Variants in CALCRL observed in about 807,000 individuals in gnomAD.
CALCRL encodes the protein calcitonin gene-related peptide type 1 receptor.
Under a neutral mutation model 60.4 loss-of-function variants are expected in CALCRL, and 27 were observed. The ratio of observed to expected loss-of-function variants is 0.45; its 90% CI spans 0.33 to 0.62. CALCRL has a LOEUF of 0.62. Ranked by LOEUF, CALCRL falls within the 20% of genes least tolerant of loss-of-function variation. CALCRL has a pLI of 0.03. For missense variants in CALCRL, 424 were observed against 540.7 expected (o/e 0.78, Z 2.14); for synonymous variants, 190 against 182.6 (o/e 1.04, Z -0.33).
chr2:187,445,391 A>T (rs1912849), intron 1 of CALCRL, among the ~76,000 whole-genome samples: 59,571 of 151,394 alleles, frequency 0.39, 12,347 homozygotes, highest in African/African-American at 0.52. Context: ...GAATTATTTG[A>T]TAAAGCTGTA....
chr2:187,375,437 A>G (rs76807288), intron 8 of CALCRL, among the ~76,000 whole-genome samples: 6,305 of 152,232 alleles, frequency 0.041, 423 homozygotes, highest in African/African-American at 0.14. Context: ...AAGTAAGGTA[A>G]TTATTTGAAA....
intron 1 of CALCRL, among the ~76,000 whole-genome samples, chr2:187,407,074 T>TC (rs1216904873): frequency 1.4e-4 from 22 of 152,162 alleles, no homozygotes; most frequent in Admixed American, 1.2e-3. Flanking sequence ...CAGCACACTA[T>TC]CACACTAGAT....
At chr2:187,399,225 T>G (rs1411129227) in intron 1 of CALCRL, among the ~76,000 whole-genome samples, 1 of 151,598 alleles carries the variant, frequency 6.6e-6, no homozygotes, top group South Asian at 2.1e-4. Flanking sequence ...CAAAGCACAT[T>G]CCATGCCCAG....
chr2:187,382,261 G>A lies in CALCRL; in HGVS notation c.184+912C>T, dbSNP rs1688012452. On this transcript the variant is annotated intron_variant, in intron 5 of 14. Transcript: ENST00000392370. ...GAGACACAAAGTTGAAATAAAAATA[G>A]CTCTTTATTGCAAGACTTTCTAGAG... Among the ~76,000 whole-genome samples, 4 of 152,098 alleles carry A rather than the reference G, an allele frequency of 2.6e-5. No homozygotes were observed. In the South Asian group the frequency reaches 6.2e-4, roughly 24 times the overall value.
At chr2:187,409,689 T>C (rs1028221426) in intron 1 of CALCRL, among the ~76,000 whole-genome samples, 3 of 152,146 alleles carry the variant, frequency 2.0e-5, no homozygotes, top group African/African-American at 7.2e-5. Flanking sequence ...TAATCAAATA[T>C]TCATACAAAT....
At chr2:187,388,776 T>G (rs975458762) in intron 1 of CALCRL, among the ~76,000 whole-genome samples, 1 of 152,104 alleles carries the variant, frequency 6.6e-6, no homozygotes, top group African/African-American at 2.4e-5. Context: ...TTTATAATTA[T>G]GCATTTTGCA....
chr2:187,377,327 G>T lies in CALCRL; in HGVS notation c.500+1613C>A, dbSNP rs528536366. 2.4e-4 allele frequency among the ~76,000 whole-genome samples: 37 copies of T among 152,138 alleles called. No individual in the cohort carries two copies. In the South Asian group the frequency reaches 6.8e-3, roughly 28 times the overall value. ...TCAGGAAATGGAATAGATTAGAAGG[G>T]TTTCAAAAGGTTAAGTTCACAGGTT... On this transcript the variant is annotated intron_variant, in intron 8 of 14. Transcript: ENST00000392370.
chr2:187,439,304 G>A (rs143620383), intron 1 of CALCRL, among the ~76,000 whole-genome samples: 1,603 of 152,130 alleles, frequency 0.011, 24 homozygotes, highest in African/African-American at 0.037. Flanking sequence ...CCAACATGGC[G>A]AAATCCCATC....
chr2:187,371,263 A>C (rs558814763), intron 8 of CALCRL, among the ~76,000 whole-genome samples: 16 of 151,696 alleles, frequency 1.1e-4, no homozygotes, highest in Non-Finnish European at 2.1e-4. Flanking sequence ...AAGTTAAATA[A>C]ATAATATCTA....
At chr2:187,354,689 A>G (rs2105707700) in intron 12 of CALCRL, among the ~76,000 whole-genome samples, 1 of 152,142 alleles carries the variant, frequency 6.6e-6, no homozygotes, top group Non-Finnish European at 1.5e-5. Context: ...AAGATGGGAA[A>G]GTTTTAGGCA....
intron 1 of CALCRL, among the ~76,000 whole-genome samples, chr2:187,421,207 T>C (rs558325188): frequency 6.6e-6 from 1 of 152,362 alleles, no homozygotes; most frequent in Non-Finnish European, 1.5e-5. Context: ...CTATAGTTCA[T>C]GCACTATTTT....
At chr2:187,385,121 C>G (rs1688152321) in intron 4 of CALCRL, among the ~76,000 whole-genome samples, 2 of 152,122 alleles carry the variant, frequency 1.3e-5, no homozygotes, top group Non-Finnish European at 2.9e-5. Context: ...GTGTATGGTT[C>G]TAAATTGCCT....
intron 14 of CALCRL, among the ~76,000 whole-genome samples, chr2:187,349,392 G>A (rs569948619): frequency 1.3e-5 from 2 of 151,752 alleles, no homozygotes; most frequent in Admixed American, 6.6e-5. Context: ...TTGACCTAAT[G>A]TGGAAAACAA....
chr2:187,434,397 G>A (rs1690540875), intron 1 of CALCRL, among the ~76,000 whole-genome samples: 1 of 152,018 alleles, frequency 6.6e-6, no homozygotes, highest in African/African-American at 2.4e-5. Flanking sequence ...AATTCATTGT[G>A]ACTCATAATA....
In CALCRL at chr2:187,442,195, T is replaced by C. The variant is rs566244571; in HGVS notation, c.-293+5844A>G. Reference sequence around the variant, plus strand: ...ACACATATATGTGTGTATATATGTATACATATACGTATATATATATTTTAC... The same window carrying C: ...ACACATATATGTGTGTATATATGTACACATATACGTATATATATATTTTAC... On this transcript the variant is annotated intron_variant, in intron 1 of 14. Transcript: ENST00000392370. The C allele has an allele frequency of 1.8e-3, 274 of 149,490 alleles. 3 individuals carry two copies. The highest frequency in any genetic ancestry group is 6.4e-3 in the African/African-American group (263 of 41,006). The allele number at this position is 149,490 out of a possible 1,614,324, so 9.3% of individuals were successfully genotyped here.
Position 187,344,483 on chromosome 2 carries a change from T to C in CALCRL, c.*1701A>G, listed in dbSNP as rs1686201995. On this transcript the variant is annotated 3_prime_UTR_variant, in exon 15 of 15. Transcript: ENST00000392370. ...CATGACTTTTCCCAAAATTGACTTT[T>C]ACTAATTGAAGTCATTCTTGTTCTT... is the stretch of plus-strand genomic sequence containing the variant. 2.0e-5 allele frequency: 3 copies of C among 151,696 alleles called. No individual in the cohort carries two copies. The highest frequency in any genetic ancestry group is 1.3e-4 in the Admixed American group (2 of 15,178). The allele number at this position is 151,696 out of a possible 1,614,324, so 9.4% of individuals were successfully genotyped here.
chr2:187,414,659 C>G (rs982781553), intron 1 of CALCRL, among the ~76,000 whole-genome samples: 2 of 151,934 alleles, frequency 1.3e-5, no homozygotes, highest in Non-Finnish European at 2.9e-5. Context: ...ATCTTTATGC[C>G]AAATATACAG....
intron 9 of CALCRL, 34 bp downstream of exon 9, chr2:187,363,342 C>T (rs367899511): frequency 6.3e-7 from 1 of 1,593,626 alleles, no homozygotes; most frequent in African/African-American, 1.4e-5. Context: ...CCCATTAGGC[C>T]CTTGAACCAA....
intron 12 of CALCRL, among the ~76,000 whole-genome samples, chr2:187,355,550 A>AAAT (rs1267809864): frequency 6.6e-6 from 1 of 152,132 alleles, no homozygotes; most frequent in Admixed American, 6.6e-5. Context: ...AAATATAGTT[A>AAAT]AATAATAGAA....
Sources: allele counts gnomAD v4.1 joint callset (sites outside exome capture counted in the v4.1 genomes callset), GRCh38; gene constraint gnomAD v4.1.1; transcripts MANE v1.5; gene names NCBI Gene and HGNC (gene_info 2026-07-23, HGNC 2026-07-21).